Variants in TRAF3 observed in about 807,000 individuals in gnomAD.
The protein encoded by TRAF3 is TNF receptor associated factor 3.
A neutral mutation model predicts 62.3 loss-of-function variants in TRAF3; 13 were observed. That is an observed-to-expected ratio of 0.21 (90% CI 0.14 to 0.33). The LOEUF (loss-of-function observed/expected upper bound fraction) is 0.33, where lower values mean the gene tolerates loss of function less well. TRAF3 is among the 10% of genes least tolerant of loss of function. The pLI is 1.00. For synonymous variants in TRAF3, 269 were observed against 283.4 expected (o/e 0.95, Z 0.51); for missense variants, 440 against 741.8 (o/e 0.59, Z 4.73).
At chr14:102,806,203 TTGAGA>T (rs1898764527) in intron 1 of TRAF3, among the ~76,000 whole-genome samples, 1 of 152,128 alleles carries the variant, frequency 6.6e-6, no homozygotes, top group Non-Finnish European at 1.5e-5. Flanking sequence ...TGCGCCAAGG[TTGAGA>T]AACCGTGGCT....
rs1437048021 is a variant in TRAF3 at position 102,854,805 on chromosome 14, T to G, written c.-17-15380T>G. Among the ~76,000 whole-genome samples, 5 of 149,734 alleles carry G rather than the reference T, an allele frequency of 3.3e-5. No homozygotes were observed. The East Asian group carries it at 9.6e-4, about 29-fold the overall frequency. ...TGTCAGCTGCCGCACCTGGCTGTTT[T>G]TTTTTTTTTTTTTTTAACAATGTTT... On this transcript the variant is annotated intron_variant, in intron 2 of 11. Transcript: ENST00000392745.
intron 6 of TRAF3, among the ~76,000 whole-genome samples, chr14:102,884,241 T>G (rs1463170840): frequency 1.3e-5 from 2 of 152,198 alleles, no homozygotes; most frequent in Non-Finnish European, 1.5e-5. Flanking sequence ...CCCTCCATGT[T>G]CACGTGGCCG....
intron 2 of TRAF3, among the ~76,000 whole-genome samples, chr14:102,843,055 TA>T (rs1291966328): frequency 6.6e-6 from 1 of 151,656 alleles, no homozygotes; most frequent in African/African-American, 2.4e-5. Context: ...TAAAAAAAAT[TA>T]GCTGGGTGTG....
intron 1 of TRAF3, among the ~76,000 whole-genome samples, chr14:102,781,827 C>T (rs981892862): frequency 2.0e-5 from 3 of 148,296 alleles, no homozygotes; most frequent in African/African-American, 7.5e-5. Flanking sequence ...GAGTCTCACT[C>T]TGTCACCCAG....
intron 4 of TRAF3, among the ~76,000 whole-genome samples, chr14:102,873,330 G>A (rs1298011002): frequency 2.0e-5 from 3 of 152,188 alleles, no homozygotes; most frequent in Admixed American, 2.0e-4. Context: ...GGCTTGGTTA[G>A]TTCCTTGAGT....
intron 1 of TRAF3, among the ~76,000 whole-genome samples, chr14:102,816,715 G>T (rs1243956596): frequency 2.0e-5 from 3 of 152,104 alleles, no homozygotes; most frequent in African/African-American, 4.8e-5. Flanking sequence ...TTCTTGATTC[G>T]ATTCTCTGTT....
At chr14:102,873,376 C>T (rs1424047088) in intron 4 of TRAF3, among the ~76,000 whole-genome samples, 1 of 152,206 alleles carries the variant, frequency 6.6e-6, no homozygotes, top group Non-Finnish European at 1.5e-5. Context: ...GTGCCTTGGC[C>T]TAGCATGGTA....
rs1888647261 is a variant in TRAF3 at position 102,876,345 on chromosome 14, G to C, written c.403-13G>C. The C allele has an allele frequency of 6.2e-7, 1 of 1,613,802 alleles. No individual in the cohort carries two copies. The highest frequency in any genetic ancestry group is 8.5e-7 in the Non-Finnish European group (1 of 1,179,772). On this transcript the variant is annotated splice_polypyrimidine_tract_variant and intron_variant, in intron 5 of 11. Transcript: ENST00000392745. ...TTTTCCCAATTAAGAACATTGAATG[G>C]TCTGTCTTACAGGTGCATTTAAAAA...
At chr14:102,822,421 T>TAA (rs1345294186) in intron 1 of TRAF3, among the ~76,000 whole-genome samples, 1 of 152,218 alleles carries the variant, frequency 6.6e-6, no homozygotes, top group African/African-American at 2.4e-5. Context: ...GCAGATTTTC[T>TAA]CTATTTAGTA....
chr14:102,789,269 A>G (rs527285767), intron 1 of TRAF3, among the ~76,000 whole-genome samples: 23 of 152,288 alleles, frequency 1.5e-4, no homozygotes, highest in African/African-American at 5.3e-4. Flanking sequence ...TCATTTGTTC[A>G]TGGGCATTTG....
At chr14:102,820,598 ATATATATATATATATATTTTTTTTTTTTT>A (rs1396400219) in intron 1 of TRAF3, among the ~76,000 whole-genome samples, 139 of 13,266 alleles carry the variant, frequency 0.01, 2 homozygotes, top group African/African-American at 0.071. Flanking sequence ...ATATATATAT[ATATATATATATATATATTTTTTTTTTTTT>A]TTTTTTTTTT....
intron 2 of TRAF3, among the ~76,000 whole-genome samples, chr14:102,856,413 A>G (rs1887373404): frequency 6.6e-6 from 1 of 152,178 alleles, no homozygotes; most frequent in Non-Finnish European, 1.5e-5. Context: ...TTGCCATGGT[A>G]TCTGGAAACT....
chr14:102,900,076 G>A (rs1046629643), intron 10 of TRAF3, among the ~76,000 whole-genome samples: 1 of 151,400 alleles, frequency 6.6e-6, no homozygotes, highest in Non-Finnish European at 1.5e-5. Flanking sequence ...CTACTCGGGA[G>A]GCTGAGGCAG....
intron 2 of TRAF3, chr14:102,865,884 A>G (rs1471499654): frequency 1.3e-5 from 2 of 152,248 alleles, no homozygotes; most frequent in Non-Finnish European, 2.9e-5. Flanking sequence ...CATATACTAA[A>G]ATTGGAATGA....
intron 8 of TRAF3, among the ~76,000 whole-genome samples, chr14:102,890,110 C>T (rs982046286): frequency 6.6e-5 from 10 of 152,184 alleles, no homozygotes; most frequent in Non-Finnish European, 1.0e-4. Context: ...GGGGGACAGA[C>T]GCAAAATGGA....
intron 1 of TRAF3, among the ~76,000 whole-genome samples, chr14:102,799,765 A>G (rs954705666): frequency 1.3e-5 from 2 of 152,112 alleles, no homozygotes; most frequent in Admixed American, 1.3e-4. Flanking sequence ...TTCTTTTCTC[A>G]TAGTCTTCTG....
intron 2 of TRAF3, among the ~76,000 whole-genome samples, chr14:102,863,874 G>A (rs1440062782): frequency 6.6e-6 from 1 of 152,168 alleles, no homozygotes; most frequent in Non-Finnish European, 1.5e-5. Flanking sequence ...GGACTCAGTA[G>A]ACAGGTCGAA....
chr14:102,829,055 G>A (rs1192312452), intron 1 of TRAF3, among the ~76,000 whole-genome samples: 3 of 152,210 alleles, frequency 2.0e-5, no homozygotes, highest in Non-Finnish European at 4.4e-5. Context: ...TGAGCTGGGT[G>A]CTACCTCCAG....
intron 1 of TRAF3, among the ~76,000 whole-genome samples, chr14:102,786,683 C>CT (rs1427402875): frequency 6.6e-5 from 10 of 151,088 alleles, no homozygotes; most frequent in Admixed American, 2.6e-4. Context: ...GTAAAACTGT[C>CT]TAAAAAAAAA....
Sources: allele counts gnomAD v4.1 joint callset (sites outside exome capture counted in the v4.1 genomes callset), GRCh38; gene constraint gnomAD v4.1.1; transcripts MANE v1.5; gene names NCBI Gene and HGNC (gene_info 2026-07-23, HGNC 2026-07-21).